GOLGA4: variants seen among roughly 807,000 people sequenced by gnomAD.
GOLGA4 encodes the protein golgin subfamily A member 4.
In GOLGA4, 169 loss-of-function variants were observed where a neutral mutation model predicts 265.9. That is an observed-to-expected ratio of 0.64 (90% CI 0.56 to 0.72). The LOEUF is 0.72. Among genes scored for constraint, GOLGA4 ranks in the 30% least tolerant of loss-of-function variants. The probability of loss-of-function intolerance (pLI) is 0.00; values close to 1 mark genes in which losing one functional copy is unlikely to be tolerated. For synonymous variants in GOLGA4, 923 were observed against 855.8 expected, an observed-to-expected ratio of 1.08 and a Z score of -1.37; for missense variants, 2,482 against 2,483.4, an observed-to-expected ratio of 1.00 and a Z score of 0.01.
rs796714442 is a variant in GOLGA4, at chr3:37,324,852, C to T, written c.2966C>T (p.Ala989Val). Residue 989 changes from alanine (A) to valine (V), a missense_variant, in exon 14 of 24, where the codon GCT becomes GTT. This residue lies in a region of GOLGA4 where 1,536 missense variants were observed against 1,483.7 expected (regional missense o/e 1.04). Transcript: ENST00000361924. The stretch of plus-strand genomic sequence containing the variant: ...CTTAAGAAAGAGCTTGAAAATACTG[C>T]TCTAGAGCTTAGTCAGAAAGAAAAA... Reference protein sequence around the residue: ...AKLKKELENTALELSQKEKQF... With the variant: ...AKLKKELENTVLELSQKEKQF... 2.5e-6 allele frequency: 4 copies of T among 1,593,776 alleles called. No homozygotes were observed. The highest frequency in any genetic ancestry group is 3.7e-5 in the Admixed American group (2 of 54,282).
intron 2 of GOLGA4, among the ~76,000 whole-genome samples, chr3:37,270,457 A>G (rs1560298940): frequency 6.6e-6 from 1 of 152,092 alleles, no homozygotes; most frequent in Non-Finnish European, 1.5e-5. Flanking sequence ...ACCTCAGGTG[A>G]TCCACCTGCT....
chr3:37,336,670 C>T (rs897223349), intron 17 of GOLGA4, among the ~76,000 whole-genome samples: 1 of 151,542 alleles, frequency 6.6e-6, no homozygotes, highest in Non-Finnish European at 1.5e-5. Context: ...ACTTGGGAGG[C>T]TGAGGCAGGA....
At chr3:37,333,590 AGG>A (rs1320787320) in intron 16 of GOLGA4, among the ~76,000 whole-genome samples, 5 of 152,210 alleles carry the variant, frequency 3.3e-5, no homozygotes, top group Non-Finnish European at 7.3e-5. Flanking sequence ...GTAGCTATAG[AGG>A]TTATTCTTTC....
intron 1 of GOLGA4, chr3:37,244,309 T>G (rs2096712610): frequency 6.6e-6 from 1 of 152,264 alleles, no homozygotes; most frequent in African/African-American, 2.4e-5. Flanking sequence ...ACTCTGCCTG[T>G]CCGGAGCTCT....
intron 16 of GOLGA4, among the ~76,000 whole-genome samples, chr3:37,331,988 T>G (rs1301787708): frequency 3.9e-5 from 6 of 152,196 alleles, no homozygotes; most frequent in Non-Finnish European, 5.9e-5. Flanking sequence ...CACCACAGTC[T>G]GTGCTACCAT....
chr3:37,337,036 C>G (rs1451964285), intron 17 of GOLGA4, 107 bp from the exon 18 acceptor site: 2 of 735,004 alleles, frequency 2.7e-6, no homozygotes, highest in African/African-American at 3.6e-5. Context: ...TCCCTTGAGA[C>G]TCTTAACCCT....
intron 23 of GOLGA4, among the ~76,000 whole-genome samples, chr3:37,362,305 C>T (rs1386450047): frequency 6.9e-6 from 1 of 145,186 alleles, no homozygotes; most frequent in East Asian, 2.0e-4. Context: ...GGCGGGATCT[C>T]GGCTCACTGC....
At chr3:37,315,724 C>T (rs1163486985) in intron 11 of GOLGA4, 126 bp downstream of exon 11, 3 of 825,226 alleles carry the variant, frequency 3.6e-6, no homozygotes, top group Non-Finnish European at 5.8e-6. Context: ...TTCTGATATT[C>T]AGGTTGTAAA....
chr3:37,354,714 TGGG>T (rs1269463824), intron 21 of GOLGA4, among the ~76,000 whole-genome samples: 1 of 152,022 alleles, frequency 6.6e-6, no homozygotes, highest in Non-Finnish European at 1.5e-5. Context: ...AAGCTGAACA[TGGG>T]GGGTATTTAA....
At position 37,325,052 on chromosome 3, in the gene GOLGA4, G is replaced by A; in HGVS notation, c.3166G>A (p.Glu1056Lys). Reference protein sequence around the residue: ...IWEKKLNQQAEELQEIHEIQL... With the variant: ...IWEKKLNQQAKELQEIHEIQL... The stretch of plus-strand genomic sequence containing the variant: ...GGAAAAGAAACTTAATCAGCAAGCT[G>A]AAGAACTTCAGGAAATACATGAAAT... The change falls in exon 14 of 24, where the codon GAA becomes AAA. Residue 1056 changes from glutamate to lysine, a missense_variant. Coordinates refer to ENST00000361924, the MANE Select transcript of GOLGA4 (RefSeq NM_002078.5). 1 of 1,613,038 alleles carries A rather than the reference G, an allele frequency of 6.2e-7. No individual in the cohort carries two copies.
rs569888293 is a variant in GOLGA4, at chr3:37,302,177, C to T, written c.1087-8C>T. ...TGCAAATGTTTTAGAGTCTTCACTT[C>T]TATTCAGGGAATGGTAATCGCAGAG... On this transcript the variant is annotated splice_region_variant and splice_polypyrimidine_tract_variant and intron_variant, in intron 9 of 23. Coordinates refer to ENST00000361924, the MANE Select transcript of GOLGA4 (RefSeq NM_002078.5). 1 of 1,611,146 alleles carries T rather than the reference C, an allele frequency of 6.2e-7. No homozygotes were observed. The highest frequency in any genetic ancestry group is 1.1e-5 in the South Asian group (1 of 90,970).
intron 19 of GOLGA4, among the ~76,000 whole-genome samples, chr3:37,339,882 A>G (rs1248668066): frequency 1.3e-5 from 2 of 152,022 alleles, no homozygotes; most frequent in African/African-American, 4.8e-5. Flanking sequence ...TAATTTTAGC[A>G]AAGTGTAATT....
chr3:37,302,260 C>A lies in GOLGA4; in HGVS notation c.1162C>A (p.Arg388Ser). 1 of 1,612,588 alleles carries A rather than the reference C, an allele frequency of 6.2e-7. No homozygotes were observed. Among genetic ancestry groups the A allele is most frequent in the Non-Finnish European group, 8.5e-7 (1 of 1,178,726 alleles). Residue 388 changes from arginine (R) to serine (S), a missense_variant, in exon 10 of 24, where the codon CGT becomes AGT. Transcript: ENST00000361924. Reference protein sequence around the residue: ...EMKEEEIAQLRSRIKQMTTQG... With the variant: ...EMKEEEIAQLSSRIKQMTTQG... Reference sequence around the variant, plus strand: ...GAAAGAAGAAGAAATTGCTCAACTCCGTAGTCGCATCAAACAGATGACTAC... The same window carrying A: ...GAAAGAAGAAGAAATTGCTCAACTCAGTAGTCGCATCAAACAGATGACTAC...
At chr3:37,312,323 T>C (rs1362823565) in intron 10 of GOLGA4, among the ~76,000 whole-genome samples, 1 of 152,250 alleles carries the variant, frequency 6.6e-6, no homozygotes. Flanking sequence ...TTTACTTGAC[T>C]GATTTTTTTA....
chr3:37,366,065 C>T lies in GOLGA4; in HGVS notation c.*34-15C>T, dbSNP rs780307538. On this transcript the variant is annotated splice_polypyrimidine_tract_variant and intron_variant, in intron 23 of 23. Transcript: ENST00000361924. ...TGCCCCCTTTCTTTATTCTCTTTTC[C>T]TTTTTCTTTTCCAGTCATGGCTCCG... The T allele has an allele frequency of 2.6e-6, 4 of 1,525,648 alleles. No individual in the cohort carries two copies. The highest frequency in any genetic ancestry group is 3.5e-6 in the Non-Finnish European group (4 of 1,141,574). The allele number at this position is 1,525,648 out of a possible 1,614,324, so 94.5% of individuals were successfully genotyped here. A position where few individuals can be genotyped will look rare whatever the true frequency, so the allele number is the denominator to read the frequency against.
chr3:37,365,965 C>T lies in GOLGA4; in HGVS notation c.*34-115C>T, dbSNP rs1019759690. The T allele has an allele frequency of 1.8e-5, 15 of 853,460 alleles. No homozygotes were observed. The African/African-American group carries it at 2.2e-4, about 12-fold the overall frequency. The allele number at this position is 853,460 out of a possible 1,614,324, so 52.9% of individuals were successfully genotyped here. A position where few individuals can be genotyped will look rare whatever the true frequency, so the allele number is the denominator to read the frequency against. Reference sequence around the variant, plus strand: ...TGCCTCTTTACTGCAGTCTCTAGACCATGGAATAGAATTTTATTTCAAACT... The same window carrying T: ...TGCCTCTTTACTGCAGTCTCTAGACTATGGAATAGAATTTTATTTCAAACT... On this transcript the variant is annotated intron_variant, in intron 23 of 23. Coordinates refer to ENST00000361924, the MANE Select transcript of GOLGA4 (RefSeq NM_002078.5).
At chr3:37,298,163 C>T (rs2150852458) in intron 7 of GOLGA4, among the ~76,000 whole-genome samples, 1 of 152,258 alleles carries the variant, frequency 6.6e-6, no homozygotes, top group Middle Eastern at 3.4e-3. Context: ...AGGGGAATTG[C>T]AGTAGAGAAA....
Position 37,315,576 on chromosome 3 carries a change from A to G in GOLGA4, c.1391A>G (p.Gln464Arg), listed in dbSNP as rs2096935435. The change falls in exon 11 of 24, where the codon CAG becomes CGG. Residue 464 changes from glutamine (Q) to arginine (R), a missense_variant. Transcript: ENST00000361924. Reference protein sequence around the residue: ...SLQQELSRVKQEVVDVMKKSS... With the variant: ...SLQQELSRVKREVVDVMKKSS... The stretch of plus-strand genomic sequence containing the variant: ...CAACAGGAATTAAGTCGGGTGAAAC[A>G]GGAGGTTGTTGATGTAATGAAAGTA... The G allele has an allele frequency of 6.2e-7, 1 of 1,613,486 alleles. No homozygotes were observed. The highest frequency in any genetic ancestry group is 8.5e-7 in the Non-Finnish European group (1 of 1,179,606).
chr3:37,295,999 G>C (rs2096877165), intron 6 of GOLGA4, 88 bp from the exon 7 acceptor site: 1 of 1,210,888 alleles, frequency 8.3e-7, no homozygotes, highest in Non-Finnish European at 1.2e-6. Flanking sequence ...GGGAATCCTG[G>C]AACCAATCCC....
Sources: gnomAD v4.1 joint callset for allele counts (sites outside exome capture counted in the v4.1 genomes callset) on GRCh38, gnomAD v4.1.1 for gene constraint, gnomAD v4.1.1 regional missense constraint, MANE v1.5 for transcripts, NCBI Gene and HGNC (gene_info 2026-07-23, HGNC 2026-07-21) for gene names.